The following IGF2R variants were observed in gnomAD, a reference collection of about 807,000 sequenced individuals.
The protein encoded by IGF2R is cation-independent mannose-6-phosphate receptor.
In IGF2R, 91 loss-of-function variants were observed where a neutral mutation model predicts 270.6. The ratio of observed to expected loss-of-function variants is 0.34; its 90% CI spans 0.28 to 0.40. The LOEUF (loss-of-function observed/expected upper bound fraction) is 0.40, where lower values mean the gene tolerates loss of function less well. IGF2R is among the 10% of genes least tolerant of loss of function. The pLI, the probability that IGF2R is intolerant of heterozygous loss-of-function variation, is 1.00. For synonymous variants in IGF2R, 1,316 were observed against 1,258.9 expected (o/e 1.05, Z -0.96); for missense variants, 2,805 against 3,188.3 (o/e 0.88, Z 2.90).
intron 1 of IGF2R, among the ~76,000 whole-genome samples, chr6:159,975,016 G>C (rs73590525): frequency 6.6e-6 from 1 of 152,102 alleles, no homozygotes; most frequent in Non-Finnish European, 1.5e-5. Flanking sequence ...ATGTGTGGTC[G>C]TTTTTCCCCA....
chr6:160,041,118 A>G (rs2115242604), intron 11 of IGF2R, among the ~76,000 whole-genome samples: 1 of 152,272 alleles, frequency 6.6e-6, no homozygotes, highest in African/African-American at 2.4e-5. Context: ...GTTGCACGGC[A>G]GGCACCGGAT....
chr6:160,026,071 C>G (rs1412346345), intron 5 of IGF2R, among the ~76,000 whole-genome samples: 1 of 152,204 alleles, frequency 6.6e-6, no homozygotes, highest in African/African-American at 2.4e-5. Flanking sequence ...CCCTCAAAAC[C>G]TCTTGGATAG....
intron 4 of IGF2R, among the ~76,000 whole-genome samples, chr6:160,024,050 G>T (rs1224601647): frequency 6.6e-6 from 1 of 152,200 alleles, no homozygotes; most frequent in African/African-American, 2.4e-5. Context: ...TAACGGGAAG[G>T]CTAGGACACG....
rs1458867220 is a variant in IGF2R at position 160,070,067 on chromosome 6, C to A, written c.4443+9C>A. The stretch of plus-strand genomic sequence containing the variant: ...GCAGCGAGAGCCAAGTGGTAAGGGA[C>A]TGTTCCTGCACCTTCTGCTGTTGCA... On this transcript the variant is annotated intron_variant, in intron 31 of 47. Transcript: ENST00000356956. 3 of 1,613,486 alleles carry A rather than the reference C, an allele frequency of 1.9e-6. No homozygotes were observed. Among genetic ancestry groups the A allele is most frequent in the South Asian group, 2.2e-5 (2 of 90,982 alleles).
At chr6:159,991,875 T>C (rs1783984560) in intron 2 of IGF2R, among the ~76,000 whole-genome samples, 1 of 152,200 alleles carries the variant, frequency 6.6e-6, no homozygotes, top group Non-Finnish European at 1.5e-5. Context: ...TCCCCAAATG[T>C]ATGCCTTTTG....
At chr6:160,040,436 C>T (rs569028132) in intron 10 of IGF2R, 124 bp from the exon 11 acceptor site, 2 of 741,114 alleles carry the variant, frequency 2.7e-6, no homozygotes, top group African/African-American at 3.5e-5. Flanking sequence ...TCTAAAAAAA[C>T]CTGGACCTGA....
rs1779639299 is a variant in IGF2R at position 160,107,141 on chromosome 6, T to C, written c.*2057T>C. The C allele has an allele frequency of 6.6e-6, 1 of 152,198 alleles. No homozygotes were observed. The allele number at this position is 152,198 out of a possible 1,614,324, so 9.4% of individuals were successfully genotyped here. ...ATTCTTAAGGACTTTCCAATACCTC[T>C]CCTGAGGAAGACATGTCAGGTCTTC... On this transcript the variant is annotated 3_prime_UTR_variant, in exon 48 of 48. Transcript: ENST00000356956.
intron 1 of IGF2R, among the ~76,000 whole-genome samples, chr6:159,978,976 G>A (rs1415648024): frequency 1.3e-5 from 2 of 151,692 alleles, no homozygotes; most frequent in Non-Finnish European, 2.9e-5. Flanking sequence ...AAGTGAGGGG[G>A]ATGGTGGAAG....
At chr6:160,012,765 T>A (rs59716251) in intron 4 of IGF2R, among the ~76,000 whole-genome samples, 28,875 of 75,152 alleles carry the variant, frequency 0.38, 4,101 homozygotes, top group South Asian at 0.5. Context: ...ATATATATAT[T>A]TTTTTTTTTT....
chr6:160,027,380 C>T, intron 6 of IGF2R, 66 bp downstream of exon 6: 2 of 1,508,064 alleles, frequency 1.3e-6, no homozygotes, highest in South Asian at 2.6e-5. Flanking sequence ...TTTCAGGGAG[C>T]TGCAGGAACA....
At position 160,069,989 on chromosome 6, in the gene IGF2R, C is replaced by T. The variant is rs768822040; in HGVS notation, c.4374C>T (p.Gly1458=). ...DGIIVLKYVD[G]DLCPDGIRKK... ...TAATTGTCCTGAAATACGTTGATGG[C>T]GACTTATGTCCAGATGGGATTCGGA... Residue 1458 remains glycine (G), a synonymous_variant, in exon 31 of 48, where the codon GGC becomes GGT. Transcript: ENST00000356956. The T allele has an allele frequency of 1.1e-5, 17 of 1,614,082 alleles. No individual in the cohort carries two copies. The highest frequency in any genetic ancestry group is 8.0e-5 in the African/African-American group (6 of 74,932).
chr6:160,104,234 T>C (rs933135272), intron 47 of IGF2R, among the ~76,000 whole-genome samples: 1 of 152,184 alleles, frequency 6.6e-6, no homozygotes, highest in African/African-American at 2.4e-5. Context: ...TGAATTGCTC[T>C]CTAAAACTAG....
At chr6:160,089,822 G>A in intron 43 of IGF2R, 94 bp from the exon 44 acceptor site, 1 of 815,456 alleles carries the variant, frequency 1.2e-6, no homozygotes, top group Non-Finnish European at 1.8e-6. Context: ...GAAGCATCCT[G>A]GGGCCCTGCA....
chr6:160,041,060 A>G (rs1048052941), intron 11 of IGF2R, among the ~76,000 whole-genome samples: 1 of 152,020 alleles, frequency 6.6e-6, no homozygotes, highest in African/African-American at 2.4e-5. Context: ...GCTGCTGTTC[A>G]CCGCTGCCTC....
At position 160,084,227 on chromosome 6, in the gene IGF2R, A is replaced by C; in HGVS notation, c.6068+43A>C. ...CCACCCGCGGCGCCACACCCTCAGC[A>C]TGTGAACTTCAGACTGCTTGACGAT... On this transcript the variant is annotated intron_variant, in intron 40 of 47. Coordinates refer to ENST00000356956, the MANE Select transcript of IGF2R (RefSeq NM_000876.4). The surrounding 1 kb of genome is among the most constrained non-coding windows in gnomAD (Gnocchi z 4.6). 8.3e-7 allele frequency: 1 copy of C among 1,205,516 alleles called. No individual in the cohort carries two copies. Among genetic ancestry groups the C allele is most frequent in the Non-Finnish European group, 1.2e-6 (1 of 811,518 alleles). The allele number at this position is 1,205,516 out of a possible 1,614,324, so 74.7% of individuals were successfully genotyped here.
intron 45 of IGF2R, among the ~76,000 whole-genome samples, chr6:160,098,541 A>G (rs1375888562): frequency 6.6e-6 from 1 of 152,154 alleles, no homozygotes; most frequent in African/African-American, 2.4e-5. Flanking sequence ...AAATATGGCC[A>G]GACGCGGTGG....
chr6:160,061,388 C>T (rs1391939724), intron 23 of IGF2R, 115 bp from the exon 24 acceptor site: 16 of 920,204 alleles, frequency 1.7e-5, no homozygotes, highest in Non-Finnish European at 2.7e-5. Context: ...TCCTTATCCT[C>T]ACAGTTAGGA....
Position 160,084,885 on chromosome 6 carries a change from G to T in IGF2R, c.6069-110G>T. 1.0e-6 allele frequency: 1 copy of T among 999,416 alleles called. No homozygotes were observed. The highest frequency in any genetic ancestry group is 1.5e-6 in the Non-Finnish European group (1 of 674,880). 61.9% of individuals were successfully genotyped at this position (999,416 alleles called of 1,614,324 possible). On this transcript the variant is annotated intron_variant, in intron 40 of 47. Coordinates refer to ENST00000356956, the MANE Select transcript of IGF2R (RefSeq NM_000876.4). The surrounding 1 kb of genome is among the most constrained non-coding windows in gnomAD (Gnocchi z 4.6). ...GTGCTACATTCAGTGATGGAATGGA[G>T]CCCTTAGTTATCAGAACCTTTCTCT...
intron 4 of IGF2R, among the ~76,000 whole-genome samples, chr6:160,016,265 G>C (rs375036587): frequency 6.6e-6 from 1 of 152,068 alleles, no homozygotes; most frequent in African/African-American, 2.4e-5. Context: ...ATGTGGTAGA[G>C]GCGCCTCTGT....
Sources: gnomAD v4.1 joint callset for allele counts (sites outside exome capture counted in the v4.1 genomes callset) on GRCh38, gnomAD v4.1.1 for gene constraint, Gnocchi (gnomAD v3.1) non-coding constraint, MANE v1.5 for transcripts, NCBI Gene and HGNC (gene_info 2026-07-23, HGNC 2026-07-21) for gene names.